EPB41: variants seen among roughly 807,000 people sequenced by gnomAD.
The protein encoded by EPB41 is protein 4.1.
Under a neutral mutation model 108.0 loss-of-function variants are expected in EPB41, and 65 were observed. The observed-to-expected ratio is 0.60, with a 90% CI of 0.49 to 0.74. The LOEUF (loss-of-function observed/expected upper bound fraction) is 0.74, where lower values mean the gene tolerates loss of function less well. Ranked by LOEUF, EPB41 falls within the 30% of genes least tolerant of loss-of-function variation. The pLI is 0.00. For synonymous variants in EPB41, 336 were observed against 358.9 expected (o/e 0.94, Z 0.72); for missense variants, 875 against 1,037.0 (o/e 0.84, Z 2.15).
At chr1:28,982,110 G>A (rs2149448963) in intron 1 of EPB41, among the ~76,000 whole-genome samples, 1 of 150,608 alleles carries the variant, frequency 6.6e-6, no homozygotes, top group Non-Finnish European at 1.5e-5. Context: ...TGTTCTCGTT[G>A]TTCAATTCCC....
At chr1:29,060,548 C>A in intron 15 of EPB41, 64 bp downstream of exon 15, 1 of 1,418,740 alleles carries the variant, frequency 7.0e-7, no homozygotes, top group Non-Finnish European at 9.9e-7. Flanking sequence ...CTTTGCTGAT[C>A]CCCTTTTCTT....
intron 2 of EPB41, among the ~76,000 whole-genome samples, chr1:28,991,463 G>A (rs1160868927): frequency 6.6e-6 from 1 of 151,692 alleles, no homozygotes; most frequent in African/African-American, 2.4e-5. Context: ...CAGCACTCTG[G>A]GAGACTGAGG....
intron 1 of EPB41, among the ~76,000 whole-genome samples, chr1:28,937,045 C>T (rs915079101): frequency 6.6e-6 from 1 of 152,098 alleles, no homozygotes; most frequent in Non-Finnish European, 1.5e-5. Context: ...CATAAGGGTA[C>T]CAATGTCTCT....
At chr1:28,994,499 A>C (rs901707351) in intron 3 of EPB41, among the ~76,000 whole-genome samples, 4 of 152,040 alleles carry the variant, frequency 2.6e-5, no homozygotes, top group African/African-American at 9.7e-5. Flanking sequence ...AAAAAAATCT[A>C]CTAACTATAT....
At chr1:29,045,524 T>C (rs1447804397) in intron 11 of EPB41, among the ~76,000 whole-genome samples, 2 of 150,312 alleles carry the variant, frequency 1.3e-5, no homozygotes, top group African/African-American at 2.4e-5. Flanking sequence ...CAGCTAATTT[T>C]TTTTTTTTTT....
upstream of EPB41, among the ~76,000 whole-genome samples, chr1:28,912,019 CT>C (rs1247442296): frequency 2.6e-5 from 4 of 152,152 alleles, no homozygotes; most frequent in Non-Finnish European, 5.9e-5. Context: ...GCACTCCAGC[CT>C]GGGCAAAAAG....
chr1:29,036,060 A>G, intron 10 of EPB41, 137 bp downstream of exon 10: 1 of 673,778 alleles, frequency 1.5e-6, no homozygotes. Context: ...TAAGCAAGAC[A>G]AAATGAATCC....
chr1:28,953,876 G>C (rs969307403), intron 1 of EPB41, among the ~76,000 whole-genome samples: 2 of 152,200 alleles, frequency 1.3e-5, no homozygotes, highest in Admixed American at 6.5e-5. Context: ...ATCATCCCCA[G>C]AGATTCTGAT....
intron 1 of EPB41, among the ~76,000 whole-genome samples, chr1:28,962,936 A>G (rs1025577646): frequency 3.3e-5 from 5 of 152,200 alleles, no homozygotes; most frequent in Admixed American, 6.5e-5. Context: ...AATAATAAAA[A>G]TAAAGATATT....
chr1:28,997,462 CT>C, intron 4 of EPB41, 143 bp downstream of exon 4: 1 of 666,114 alleles, frequency 1.5e-6, no homozygotes, highest in Non-Finnish European at 2.7e-6. Context: ...GATTTTCCTG[CT>C]ATTTTTCTTC....
intron 1 of EPB41, among the ~76,000 whole-genome samples, chr1:28,980,787 T>C (rs917693235): frequency 6.7e-6 from 1 of 148,460 alleles, no homozygotes; most frequent in Non-Finnish European, 1.5e-5. Context: ...CTGATGATAT[T>C]CCAGGAGTTT....
At chr1:28,982,107 G>C (rs975352805) in intron 1 of EPB41, among the ~76,000 whole-genome samples, 1 of 150,726 alleles carries the variant, frequency 6.6e-6, no homozygotes, top group Non-Finnish European at 1.5e-5. Flanking sequence ...ATGTGTTCTC[G>C]TTGTTCAATT....
rs2096201065 is a variant in EPB41 at position 28,997,223 on chromosome 1, T to C, written c.690T>C (p.Ala230=). 1 of 1,612,278 alleles carries C rather than the reference T, an allele frequency of 6.2e-7. No individual in the cohort carries two copies. Among genetic ancestry groups the C allele is most frequent in the Admixed American group, 1.7e-5 (1 of 59,998 alleles). Residue 230 remains alanine (A), a synonymous_variant, in exon 4 of 21, where the codon GCT becomes GCC. Coordinates refer to ENST00000343067, the MANE Select transcript of EPB41 (RefSeq NM_001376013.1). ...CACGTATATCTTTGCAGAAACATGC[T>C]AAGGGACAAGATTTGCTTAAACGAG... The part of the protein sequence containing the change: ...TVYECVVEKH[A]KGQDLLKRVC...
rs770303414 is a variant in EPB41, at chr1:29,018,542, C to T, written c.1124+100C>T. ...GTTTGCCTAAGAGGGATCATGGTGC[C>T]ATAGAAAGAGTCAGTTTCCTCCACT... is the stretch of plus-strand genomic sequence containing the variant. On this transcript the variant is annotated intron_variant, in intron 7 of 20. Transcript: ENST00000343067. This position sits in a 1 kb window ranked among gnomAD's most constrained non-coding sequence, Gnocchi z 4.4. 138 of 1,207,218 alleles carry T rather than the reference C, an allele frequency of 1.1e-4. No homozygotes were observed. Among genetic ancestry groups the T allele is most frequent in the African/African-American group, 3.7e-4 (25 of 66,840 alleles). 74.8% of individuals were successfully genotyped at this position (1,207,218 alleles called of 1,614,324 possible). A position where few individuals can be genotyped will look rare whatever the true frequency, so the allele number is the denominator to read the frequency against.
intron 16 of EPB41, among the ~76,000 whole-genome samples, chr1:29,082,340 T>A (rs184329979): frequency 3.3e-5 from 5 of 152,304 alleles, no homozygotes; most frequent in Admixed American, 3.3e-4. Context: ...GTCAGGCTGG[T>A]CTCGAACTCC....
chr1:28,911,861 G>A (rs1487512924), upstream of EPB41, among the ~76,000 whole-genome samples: 1 of 150,644 alleles, frequency 6.6e-6, no homozygotes, highest in Non-Finnish European at 1.5e-5. Flanking sequence ...TGACCAACAT[G>A]GAGAAACCCC....
chr1:29,040,703 AT>A (rs1641161182), intron 11 of EPB41, among the ~76,000 whole-genome samples: 1 of 152,210 alleles, frequency 6.6e-6, no homozygotes, highest in African/African-American at 2.4e-5. Context: ...AAATTTCGTG[AT>A]TGTATATACT....
intron 1 of EPB41, among the ~76,000 whole-genome samples, chr1:28,897,198 G>A (rs1259234434): frequency 6.6e-6 from 1 of 152,056 alleles, no homozygotes; most frequent in East Asian, 1.9e-4. Context: ...GGCAGGAGCT[G>A]TGTGGTGCAG....
intron 1 of EPB41, among the ~76,000 whole-genome samples, chr1:28,953,253 C>T (rs2094812080): frequency 6.6e-6 from 1 of 151,762 alleles, no homozygotes; most frequent in Non-Finnish European, 1.5e-5. Flanking sequence ...AATTTCTACT[C>T]AGTCTGGATT....
Sources: gnomAD v4.1 joint callset for allele counts (sites outside exome capture counted in the v4.1 genomes callset) on GRCh38, gnomAD v4.1.1 for gene constraint, Gnocchi (gnomAD v3.1) non-coding constraint, MANE v1.5 for transcripts, NCBI Gene and HGNC (gene_info 2026-07-23, HGNC 2026-07-21) for gene names.